The following FGGY variants were observed in gnomAD, a reference collection of about 807,000 sequenced individuals.
FGGY encodes the protein FGGY carbohydrate kinase domain containing, also known as FGGY carbohydrate kinase domain-containing protein.
FGGY carries 72 observed loss-of-function variants against 71.3 expected under a neutral mutation model. The ratio of observed to expected loss-of-function variants is 1.01; its 90% confidence interval spans 0.84 to 1.23. The LOEUF (loss-of-function observed/expected upper bound fraction) is 1.23. Among genes scored for constraint, FGGY ranks in the 50% most tolerant of loss-of-function variants. The pLI is 0.00. For missense variants in FGGY, 668 were observed against 682.3 expected (o/e 0.98, Z 0.23); for synonymous variants, 251 against 250.3 (o/e 1.00, Z -0.02).
At chr1:59,539,071 G>C (rs1284446329) in intron 7 of FGGY, among the ~76,000 whole-genome samples, 2 of 152,140 alleles carry the variant, frequency 1.3e-5, no homozygotes, top group Non-Finnish European at 2.9e-5. Context: ...TAGGAAGGAA[G>C]ATGTGTAAGA....
intron 7 of FGGY, among the ~76,000 whole-genome samples, chr1:59,535,844 G>A (rs1434803617): frequency 1.4e-5 from 2 of 148,018 alleles, no homozygotes; most frequent in Non-Finnish European, 3.0e-5. Context: ...TGTGTAGAGG[G>A]AAATTTATAG....
chr1:59,297,673 A>C (rs1335859203), intron 1 of FGGY, among the ~76,000 whole-genome samples: 1 of 152,126 alleles, frequency 6.6e-6, no homozygotes, highest in Non-Finnish European at 1.5e-5. Flanking sequence ...AATACAAAAA[A>C]TTAGCCGGGC....
intron 6 of FGGY, among the ~76,000 whole-genome samples, chr1:59,510,471 C>T (rs2094493142): frequency 6.6e-6 from 1 of 152,166 alleles, no homozygotes; most frequent in Admixed American, 6.5e-5. Flanking sequence ...TATACAAAGC[C>T]AAGGACACTG....
At position 59,762,496 on chromosome 1, in the gene FGGY, C is replaced by T; in HGVS notation, c.1575-7C>T. The T allele has an allele frequency of 1.2e-6, 2 of 1,606,894 alleles. No homozygotes were observed. Among genetic ancestry groups the T allele is most frequent in the South Asian group, 1.1e-5 (1 of 90,516 alleles). On this transcript the variant is annotated splice_polypyrimidine_tract_variant and splice_region_variant and intron_variant, in intron 15 of 15. Coordinates refer to ENST00000303721, the MANE Select transcript of FGGY (RefSeq NM_018291.5). Reference sequence around the variant, plus strand: ...GATCATTCAACATATTTATATTTCTCCCACAGATACTATGATAAGAAATAC... The same window carrying T: ...GATCATTCAACATATTTATATTTCTTCCACAGATACTATGATAAGAAATAC...
intron 6 of FGGY, among the ~76,000 whole-genome samples, chr1:59,493,096 A>AACACACACAC (rs3035371): frequency 0.064 from 9,147 of 142,984 alleles, 382 homozygotes; most frequent in Admixed American, 0.13. Flanking sequence ...TACCAAACAA[A>AACACACACAC]ACACACACAC....
intron 12 of FGGY, 64 bp downstream of exon 12, chr1:59,660,357 C>T: frequency 8.0e-7 from 1 of 1,253,670 alleles, no homozygotes; most frequent in Admixed American, 1.8e-5. Context: ...AGGCCACTGG[C>T]TCCCCAAGAT....
At chr1:59,528,373 A>T (rs959926545) in intron 7 of FGGY, among the ~76,000 whole-genome samples, 1 of 152,056 alleles carries the variant, frequency 6.6e-6, no homozygotes, top group African/African-American at 2.4e-5. Context: ...GAGGAAGGAG[A>T]CTCGCTTAGA....
chr1:59,539,748 A>G (rs572489897), intron 7 of FGGY, among the ~76,000 whole-genome samples: 1 of 152,352 alleles, frequency 6.6e-6, no homozygotes, highest in East Asian at 1.9e-4. Context: ...ATTGGTAAAT[A>G]AGACTATGTT....
chr1:59,420,432 T>A (rs1332497761), intron 5 of FGGY, among the ~76,000 whole-genome samples: 1 of 152,196 alleles, frequency 6.6e-6, no homozygotes, highest in Non-Finnish European at 1.5e-5. Context: ...AAAACAGGGC[T>A]CTATTACCTT....
At chr1:59,593,690 T>C (rs1200264047) in intron 8 of FGGY, among the ~76,000 whole-genome samples, 1 of 152,230 alleles carries the variant, frequency 6.6e-6, no homozygotes, top group Non-Finnish European at 1.5e-5. Context: ...CTTTTATCTT[T>C]ATTGAGGTGC....
intron 5 of FGGY, among the ~76,000 whole-genome samples, chr1:59,442,507 C>T (rs2070184636): frequency 6.6e-6 from 1 of 152,134 alleles, no homozygotes; most frequent in African/African-American, 2.4e-5. Flanking sequence ...GACAGGACAT[C>T]TTGAAAGGTA....
At chr1:59,330,907 G>A (rs1040934145) in intron 2 of FGGY, among the ~76,000 whole-genome samples, 3 of 152,046 alleles carry the variant, frequency 2.0e-5, no homozygotes, top group East Asian at 1.9e-4. Context: ...ATGGCTGGCA[G>A]AGAAGAAACT....
intron 2 of FGGY, among the ~76,000 whole-genome samples, chr1:59,332,306 C>T (rs1239759915): frequency 2.0e-5 from 3 of 152,212 alleles, no homozygotes; most frequent in Non-Finnish European, 4.4e-5. Context: ...TGCTTTCTCT[C>T]TAGCTAGGGA....
chr1:59,689,807 C>T (rs12079948), intron 14 of FGGY, among the ~76,000 whole-genome samples: 6,713 of 152,212 alleles, frequency 0.044, 510 homozygotes, highest in African/African-American at 0.15. Context: ...ATGGAGAAAG[C>T]ACCTTCTGAA....
chr1:59,439,240 A>G (rs989790895), intron 5 of FGGY, among the ~76,000 whole-genome samples: 5 of 152,192 alleles, frequency 3.3e-5, no homozygotes, highest in African/African-American at 1.2e-4. Flanking sequence ...TAGCCGCTCA[A>G]TAGATTTTAA....
At chr1:59,372,381 G>T (rs2057822271) in intron 4 of FGGY, among the ~76,000 whole-genome samples, 1 of 152,176 alleles carries the variant, frequency 6.6e-6, no homozygotes, top group Non-Finnish European at 1.5e-5. Context: ...TCTCTGAATA[G>T]ACTAATAACA....
At chr1:59,378,585 T>C (rs1487525385) in intron 4 of FGGY, among the ~76,000 whole-genome samples, 164 bp from the exon 5 acceptor site, 1 of 152,182 alleles carries the variant, frequency 6.6e-6, no homozygotes, top group Non-Finnish European at 1.5e-5. Flanking sequence ...CTTTCCTGTA[T>C]AAGTACTGCT....
chr1:59,746,641 A>G (rs1478285195), intron 14 of FGGY, among the ~76,000 whole-genome samples: 1 of 152,042 alleles, frequency 6.6e-6, no homozygotes, highest in Admixed American at 6.5e-5. Flanking sequence ...ACAAACACGT[A>G]CCATCACACC....
rs142808830 is a variant in FGGY at position 59,629,224 on chromosome 1, T to TAAATA, written c.1073+3177_1073+3178insATAAA. On this transcript the variant is annotated intron_variant, in intron 10 of 15. Transcript: ENST00000303721. ...GGAACTTAAATAAAAAATGAATAAA[T>TAAATA]AATAAATAAATAAATAAATGATTGT... Among the ~76,000 whole-genome samples, 850 of 151,988 alleles carry TAAATA rather than the reference T, an allele frequency of 5.6e-3. 11 individuals are homozygous for TAAATA. Among genetic ancestry groups the TAAATA allele is most frequent in the African/African-American group, 0.02 (807 of 41,374 alleles).
Sources: allele counts gnomAD v4.1 joint callset (sites outside exome capture counted in the v4.1 genomes callset), GRCh38; gene constraint gnomAD v4.1.1; transcripts MANE v1.5; gene names NCBI Gene and HGNC (gene_info 2026-07-23, HGNC 2026-07-21).